ERC1: variants seen among roughly 807,000 people sequenced by gnomAD.
ERC1 encodes RAB6 interacting protein 2.
ERC1 carries 56 observed loss-of-function variants against 132.0 expected under a neutral mutation model. That is an observed-to-expected ratio of 0.42 (90% CI 0.34 to 0.53). The LOEUF is 0.53. Among genes scored for constraint, ERC1 ranks in the 20% least tolerant of loss-of-function variants. ERC1 has a pLI of 0.03. For missense variants in ERC1, 1,202 were observed against 1,349.9 expected, an observed-to-expected ratio of 0.89 and a Z score of 1.72; for synonymous variants, 478 against 476.1, an observed-to-expected ratio of 1.00 and a Z score of -0.05.
intron 14 of ERC1, among the ~76,000 whole-genome samples, chr12:1,269,484 C>T (rs2077680617): frequency 6.6e-6 from 1 of 152,130 alleles, no homozygotes; most frequent in South Asian, 2.1e-4. Context: ...GCAAGCTATG[C>T]AGGGCCTTTT....
chr12:1,463,849 G>C (rs1330729196), intron 18 of ERC1, among the ~76,000 whole-genome samples: 1 of 151,854 alleles, frequency 6.6e-6, no homozygotes, highest in African/African-American at 2.4e-5. Context: ...CGAAGACAAG[G>C]GTATCTTGCC....
intron 15 of ERC1, among the ~76,000 whole-genome samples, chr12:1,321,098 A>G (rs1005405676): frequency 2.0e-5 from 3 of 152,232 alleles, no homozygotes; most frequent in Admixed American, 1.3e-4. Flanking sequence ...GTGCAGGCAC[A>G]CATGGTAACA....
At chr12:1,387,087 A>G (rs980809221) in intron 16 of ERC1, 2 of 152,172 alleles carry the variant, frequency 1.3e-5, no homozygotes, top group African/African-American at 4.8e-5. Flanking sequence ...GAGAATGTCT[A>G]TCATATACTG....
chr12:1,398,379 C>G (rs2154385925), intron 16 of ERC1, among the ~76,000 whole-genome samples: 1 of 152,034 alleles, frequency 6.6e-6, no homozygotes, highest in South Asian at 2.1e-4. Context: ...AAACAAATAA[C>G]AAGTAATTAT....
chr12:1,444,314 T>TA lies in ERC1; in HGVS notation c.3025-248_3025-247insA, dbSNP rs2093242580. ...CCTCGATACAGAGCTGTCCGTCTGGTGTGAATATATGAAGCCAGCGTTCTC... is the reference window on the plus strand; with the variant it reads ...CCTCGATACAGAGCTGTCCGTCTGGTAGTGAATATATGAAGCCAGCGTTCTC... On this transcript the variant is annotated intron_variant, in intron 17 of 18. Transcript: ENST00000360905. The TA allele has an allele frequency of 1.1e-5, 4 of 355,374 alleles. No homozygotes were observed. The South Asian group carries it at 2.1e-4, about 19-fold the overall frequency. The allele number at this position is 355,374 out of a possible 1,614,324, so 22.0% of individuals were successfully genotyped here.
intron 14 of ERC1, among the ~76,000 whole-genome samples, chr12:1,276,285 G>A (rs1317427688): frequency 2.0e-5 from 3 of 149,236 alleles, no homozygotes; most frequent in African/African-American, 7.4e-5. Context: ...TGCCCAGGCT[G>A]GAGTGCAGTG....
rs1028458909 is a variant in ERC1, at chr12:1,490,904, A to G, written c.*674A>G. ...CTGCCTGTCTGTCGCAGCCTTCCTCACTCTGTTCCTCGGCCAGTTAACAAG... is the reference window on the plus strand; with the variant it reads ...CTGCCTGTCTGTCGCAGCCTTCCTCGCTCTGTTCCTCGGCCAGTTAACAAG... On this transcript the variant is annotated 3_prime_UTR_variant, in exon 19 of 19. Coordinates refer to ENST00000360905, the MANE Select transcript of ERC1 (RefSeq NM_178040.4). 1.6e-4 allele frequency: 38 copies of G among 232,042 alleles called. No individual in the cohort carries two copies. Among genetic ancestry groups the G allele is most frequent in the Non-Finnish European group, 2.9e-4 (34 of 117,594 alleles). The allele number at this position is 232,042 out of a possible 1,614,324, so 14.4% of individuals were successfully genotyped here. A position where few individuals can be genotyped will look rare whatever the true frequency, so the allele number is the denominator to read the frequency against.
At chr12:1,181,801 G>T (rs1407184930) in intron 9 of ERC1, 124 bp from the exon 10 acceptor site, 2 of 1,016,054 alleles carry the variant, frequency 2.0e-6, no homozygotes, top group East Asian at 5.5e-5. Context: ...AAAAAAAAGT[G>T]GATTCTTTAA....
chr12:1,146,308 GTTTTTTTTTTTTT>G lies in ERC1; in HGVS notation c.1737+4534_1737+4546del, dbSNP rs1172108036. Among the ~76,000 whole-genome samples the G allele has an allele frequency of 1.9e-4, 6 of 31,796 alleles. No individual in the cohort carries two copies. In the South Asian group the frequency reaches 3.4e-3, roughly 18 times the overall value. The allele number at this position is 31,796 out of a possible 152,430, so 20.9% of individuals were successfully genotyped here. ...ATTTCCTTGTTTAGGTATTTTACTG[GTTTTTTTTTTTTT>G]TTTTTTTTTTTTGCAGTTATTGTAA... is the stretch of plus-strand genomic sequence containing the variant. On this transcript the variant is annotated intron_variant, in intron 8 of 18. Coordinates refer to ENST00000360905, the MANE Select transcript of ERC1 (RefSeq NM_178040.4).
At chr12:998,045 T>G (rs1368788526) in intron 1 of ERC1, among the ~76,000 whole-genome samples, 1 of 152,242 alleles carries the variant, frequency 6.6e-6, no homozygotes, top group African/African-American at 2.4e-5. Flanking sequence ...AGATTTATAC[T>G]TTATTGCTCT....
At chr12:1,045,288 G>C (rs1032392689) in intron 2 of ERC1, among the ~76,000 whole-genome samples, 3 of 151,952 alleles carry the variant, frequency 2.0e-5, no homozygotes, top group South Asian at 4.1e-4. Context: ...TTACATCTGA[G>C]GTTCCCTTTG....
chr12:1,183,461 A>G (rs781435653), intron 11 of ERC1, 40 bp downstream of exon 11: 6 of 1,458,124 alleles, frequency 4.1e-6, no homozygotes, highest in Non-Finnish European at 5.7e-6. Context: ...TTTGCCTTAA[A>G]TAAGAACATA....
intron 15 of ERC1, among the ~76,000 whole-genome samples, chr12:1,369,877 G>T (rs2087021417): frequency 6.6e-6 from 1 of 152,062 alleles, no homozygotes; most frequent in African/African-American, 2.4e-5. Flanking sequence ...GATGTAAACC[G>T]AGTACACATC....
chr12:1,371,065 A>G (rs955698042), intron 15 of ERC1, among the ~76,000 whole-genome samples: 2 of 152,176 alleles, frequency 1.3e-5, no homozygotes, highest in African/African-American at 4.8e-5. Flanking sequence ...CACGGGATCT[A>G]CCCTCTTAAT....
intron 16 of ERC1, among the ~76,000 whole-genome samples, chr12:1,388,636 T>C (rs1459628103): frequency 6.6e-6 from 1 of 152,190 alleles, no homozygotes; most frequent in Non-Finnish European, 1.5e-5. Flanking sequence ...CTCACCGATG[T>C]TTTCAGAGTT....
At chr12:1,322,184 A>G (rs2082159440) in intron 15 of ERC1, among the ~76,000 whole-genome samples, 1 of 152,198 alleles carries the variant, frequency 6.6e-6, no homozygotes, top group Non-Finnish European at 1.5e-5. Context: ...AAGTTTTATC[A>G]CTTAAAATGA....
chr12:1,198,517 GGTAACTTTGTTTTTCTATTTT>G (rs1956556496), intron 12 of ERC1, among the ~76,000 whole-genome samples: 1 of 152,030 alleles, frequency 6.6e-6, no homozygotes, highest in South Asian at 2.1e-4. Context: ...TTATGATGGA[GGTAACTTTGTTTTTCTATTTT>G]GTGGTGGTTA....
chr12:1,032,314 G>T (rs141929880), intron 2 of ERC1, among the ~76,000 whole-genome samples: 2,096 of 152,300 alleles, frequency 0.014, 46 homozygotes, highest in African/African-American at 0.048. Flanking sequence ...CTCCCAAAGT[G>T]CTGGGATTAT....
At chr12:1,041,970 A>G (rs1303444536) in intron 2 of ERC1, among the ~76,000 whole-genome samples, 1 of 152,102 alleles carries the variant, frequency 6.6e-6, no homozygotes, top group Admixed American at 6.5e-5. Context: ...GCTGGTCTCA[A>G]TCTCCAGACC....
Sources: allele counts gnomAD v4.1 joint callset (sites outside exome capture counted in the v4.1 genomes callset), GRCh38; gene constraint gnomAD v4.1.1; transcripts MANE v1.5; gene names NCBI Gene and HGNC (gene_info 2026-07-23, HGNC 2026-07-21).